The following DPP8 variants were observed in gnomAD, a reference collection of about 807,000 sequenced individuals.
DPP8 encodes the protein DPP VIII.
In DPP8, 31 loss-of-function variants were observed where a neutral mutation model predicts 107.5. That is an observed-to-expected ratio of 0.29 (90% CI 0.22 to 0.39). DPP8 has a LOEUF of 0.39. Among genes scored for constraint, DPP8 ranks in the 10% least tolerant of loss-of-function variants. DPP8 has a pLI of 1.00. For synonymous variants in DPP8, 381 were observed against 356.6 expected (o/e 1.07, Z -0.77); for missense variants, 842 against 1,076.1 (o/e 0.78, Z 3.04).
chr15:65,491,846 C>A (rs1482361648), intron 5 of DPP8, among the ~76,000 whole-genome samples: 1 of 152,152 alleles, frequency 6.6e-6, no homozygotes, highest in African/African-American at 2.4e-5. Flanking sequence ...CATTCTCCTG[C>A]CTCAGCCTCC....
chr15:65,496,785 G>A (rs527946262), intron 5 of DPP8, among the ~76,000 whole-genome samples: 1 of 151,740 alleles, frequency 6.6e-6, no homozygotes, highest in Non-Finnish European at 1.5e-5. Flanking sequence ...TAAGTAGCTG[G>A]GACTACTGGC....
intron 2 of DPP8, among the ~76,000 whole-genome samples, chr15:65,510,267 G>A (rs531119237): frequency 1.3e-3 from 193 of 152,292 alleles, no homozygotes; most frequent in Middle Eastern, 6.8e-3. Flanking sequence ...AGTGAACCAA[G>A]ATCATGCCAC....
intron 1 of DPP8, among the ~76,000 whole-genome samples, chr15:65,515,336 TATGCATACAC>T (rs1436702827): frequency 6.6e-6 from 1 of 152,214 alleles, no homozygotes; most frequent in African/African-American, 2.4e-5. Flanking sequence ...CTGGACACTC[TATGCATACAC>T]ATGCATACTT....
rs780024940 is a variant in DPP8, at chr15:65,515,694, CAA to C, written c.-12+1790_-12+1791del. 12 of 1,613,676 alleles carry C rather than the reference CAA, an allele frequency of 7.4e-6. No homozygotes were observed. In the East Asian group the frequency reaches 2.0e-4, roughly 27 times the overall value. ...CATCTGCTCAGATCTCTTCCACATT[CAA>C]AGAGATCTTTTTCAAGTGACTCGAC... On this transcript the variant is annotated intron_variant, in intron 1 of 19. Transcript: ENST00000300141.
intron 12 of DPP8, among the ~76,000 whole-genome samples, chr15:65,471,596 CTT>C: frequency 6.6e-6 from 1 of 150,686 alleles, no homozygotes; most frequent in South Asian, 2.1e-4. Flanking sequence ...AAGCAATCCT[CTT>C]GTCTTGGCCT....
At chr15:65,451,922 C>T in intron 18 of DPP8, 38 bp downstream of exon 18, 2 of 1,525,526 alleles carry the variant, frequency 1.3e-6, no homozygotes, top group Non-Finnish European at 1.7e-6. Flanking sequence ...GAGACCCTGT[C>T]TCAATTTAAA....
chr15:65,493,760 T>C (rs1333592229), intron 5 of DPP8, among the ~76,000 whole-genome samples: 1 of 152,162 alleles, frequency 6.6e-6, no homozygotes, highest in South Asian at 2.1e-4. Context: ...AGTAAGTCAT[T>C]TGAGAGCAGA....
At chr15:65,479,850 C>CAAAAA (rs56303808) in intron 10 of DPP8, among the ~76,000 whole-genome samples, 12 of 66,766 alleles carry the variant, frequency 1.8e-4, no homozygotes, top group Non-Finnish European at 2.4e-4. Context: ...GACTCCGTCT[C>CAAAAA]AAAAAAAAAA....
Position 65,446,959 on chromosome 15 carries a change from T to C in DPP8, c.2574A>G (p.Glu858=), listed in dbSNP as rs1428258539. ...AGTGCAAAAGATGCAGTTCATAATGTTCTCCCGATTCAGGAACTCTTATGC... is the reference window on the plus strand; with the variant it reads ...AGTGCAAAAGATGCAGTTCATAATGCTCTCCCGATTCAGGAACTCTTATGC... ...RHSIRVPESG[E]HYELHLLHYL... The change falls in exon 20 of 20, where the codon GAA becomes GAG. Residue 858 remains glutamate, a synonymous_variant. Coordinates refer to ENST00000300141, the MANE Select transcript of DPP8 (RefSeq NM_130434.5). 1 of 1,612,578 alleles carries C rather than the reference T, an allele frequency of 6.2e-7. No homozygotes were observed. The highest frequency in any genetic ancestry group is 8.5e-7 in the Non-Finnish European group (1 of 1,178,998).
chr15:65,502,189 C>T (rs1019283591), intron 3 of DPP8, among the ~76,000 whole-genome samples: 10 of 152,008 alleles, frequency 6.6e-5, no homozygotes, highest in African/African-American at 2.4e-4. Flanking sequence ...AAGCCTGGCC[C>T]TCATGAAAGA....
chr15:65,446,821 G>A lies in DPP8; in HGVS notation c.*63C>T. 1 of 1,484,568 alleles carries A rather than the reference G, an allele frequency of 6.7e-7. No homozygotes were observed. The highest frequency in any genetic ancestry group is 9.1e-7 in the Non-Finnish European group (1 of 1,103,800). The allele number at this position is 1,484,568 out of a possible 1,614,324, so 92.0% of individuals were successfully genotyped here. ...GATGATCAATTCTGTGTTTTCTGTT[G>A]ATTAAACCTCCTCATTTGGTTAAAT... On this transcript the variant is annotated 3_prime_UTR_variant, in exon 20 of 20. Coordinates refer to ENST00000300141, the MANE Select transcript of DPP8 (RefSeq NM_130434.5).
chr15:65,491,432 G>A (rs1460072289), intron 5 of DPP8, among the ~76,000 whole-genome samples: 2 of 151,832 alleles, frequency 1.3e-5, no homozygotes, highest in African/African-American at 2.4e-5. Flanking sequence ...CATCCCTATC[G>A]CCACTTACAC....
chr15:65,467,135 A>G lies in DPP8; in HGVS notation c.1625T>C (p.Val542Ala), dbSNP rs2065430890. Reference sequence around the variant, plus strand: ...CAGCCTTGTCACCTCTCCAGGATTTACGTAACTGACTACGTACAGGTGATG... The same window carrying G: ...CAGCCTTGTCACCTCTCCAGGATTTGCGTAACTGACTACGTACAGGTGATG... ...LEHHLYVVSY[V>A]NPGEVTRLTD... The change falls in exon 13 of 20, where the codon GTA becomes GCA. Residue 542 changes from valine to alanine, a missense_variant. Val to Ala is a moderately conservative substitution (Grantham distance 64). This residue lies in a region of DPP8 where 663 missense variants were observed against 758.0 expected (regional missense o/e 0.87). Coordinates refer to ENST00000300141, the MANE Select transcript of DPP8 (RefSeq NM_130434.5). 1 of 1,614,050 alleles carries G rather than the reference A, an allele frequency of 6.2e-7. No homozygotes were observed. Among genetic ancestry groups the G allele is most frequent in the Non-Finnish European group, 8.5e-7 (1 of 1,180,028 alleles).
chr15:65,475,355 T>A, intron 11 of DPP8: 1 of 1,325,970 alleles, frequency 7.5e-7, no homozygotes, highest in East Asian at 2.3e-5. Context: ...CTTCTGAGTG[T>A]GGGCTTTGGA....
At chr15:65,513,279 T>A (rs886908471) in intron 1 of DPP8, among the ~76,000 whole-genome samples, 5 of 151,628 alleles carry the variant, frequency 3.3e-5, no homozygotes, top group Admixed American at 1.3e-4. Context: ...GGTGGCAAAA[T>A]CTTGGCTCTT....
At chr15:65,492,626 T>G (rs1036100439) in intron 5 of DPP8, among the ~76,000 whole-genome samples, 4 of 152,110 alleles carry the variant, frequency 2.6e-5, no homozygotes, top group Non-Finnish European at 5.9e-5. Flanking sequence ...GACAGGGTCT[T>G]GCTCTGTCAC....
At chr15:65,461,290 A>G (rs2064899292) in intron 15 of DPP8, among the ~76,000 whole-genome samples, 1 of 151,984 alleles carries the variant, frequency 6.6e-6, no homozygotes, top group African/African-American at 2.4e-5. Flanking sequence ...GACTGCAGGC[A>G]TGAGCCACCA....
intron 3 of DPP8, among the ~76,000 whole-genome samples, chr15:65,503,162 CA>C (rs2069456374): frequency 6.6e-6 from 1 of 152,172 alleles, no homozygotes; most frequent in South Asian, 2.1e-4. Context: ...GGCTGTAGTG[CA>C]ATGGCGCGAT....
chr15:65,463,735 G>A (rs758594957), intron 15 of DPP8, 26 bp downstream of exon 15: 4 of 1,562,406 alleles, frequency 2.6e-6, no homozygotes, highest in African/African-American at 2.7e-5. Flanking sequence ...ATGGGTGTAT[G>A]TATATATGTA....
Sources: gnomAD v4.1 joint callset for allele counts (sites outside exome capture counted in the v4.1 genomes callset) on GRCh38, gnomAD v4.1.1 for gene constraint, gnomAD v4.1.1 regional missense constraint, MANE v1.5 for transcripts, NCBI Gene and HGNC (gene_info 2026-07-23, HGNC 2026-07-21) for gene names.